NCOR1: variants seen among roughly 807,000 people sequenced by gnomAD.
The protein encoded by NCOR1 is nuclear receptor corepressor 1, also known as protein phosphatase 1, regulatory subunit 109.
A neutral mutation model predicts 288.1 loss-of-function variants in NCOR1; 63 were observed. The observed-to-expected ratio is 0.22, with a 90% CI of 0.18 to 0.27. The LOEUF is 0.27. Ranked by LOEUF, NCOR1 falls within the 10% of genes least tolerant of loss-of-function variation. The pLI, the probability that NCOR1 is intolerant of heterozygous loss-of-function variation, is 1.00. For synonymous variants in NCOR1, 1,007 were observed against 1,065.9 expected (o/e 0.94, Z 1.08); for missense variants, 2,397 against 3,019.2 (o/e 0.79, Z 4.83).
chr17:16,143,742 A>G, intron 10 of NCOR1, 46 bp from the exon 11 acceptor site: 2 of 1,356,028 alleles, frequency 1.5e-6, no homozygotes, highest in African/African-American at 1.5e-5. Context: ...GACCTTATAT[A>G]AAGACATATC....
rs545212695 is a variant in NCOR1, at chr17:16,164,557, C to T, written c.618+422G>A. On this transcript the variant is annotated intron_variant, in intron 5 of 45. Transcript: ENST00000268712. Reference sequence around the variant, plus strand: ...AGCAAAGGCAAAAATGTGCACAAACCGGTACTCACATAAGCTGCCAGTAGG... The same window carrying T: ...AGCAAAGGCAAAAATGTGCACAAACTGGTACTCACATAAGCTGCCAGTAGG... 2.6e-5 allele frequency among the ~76,000 whole-genome samples: 4 copies of T among 151,924 alleles called. No homozygotes were observed. The East Asian group carries it at 5.8e-4, about 22-fold the overall frequency.
chr17:16,173,076 G>C (rs567960580), intron 3 of NCOR1, among the ~76,000 whole-genome samples: 1 of 151,972 alleles, frequency 6.6e-6, no homozygotes, highest in Admixed American at 6.6e-5. Flanking sequence ...GATTACAGGC[G>C]CGAGCCACCA....
In NCOR1 at chr17:16,061,821, G is replaced by A. The variant is rs767183802; in HGVS notation, c.5461C>T (p.Leu1821=). ...ASRYNTAADA[L]AALVDAAASA... The stretch of plus-strand genomic sequence containing the variant: ...GCTGCAGCATCCACAAGAGCAGCCA[G>A]GGCATCCGCAGCAGTGTTGTAACGG... The change falls in exon 37 of 46, where the codon CTG becomes TTG. Residue 1821 remains leucine (L), a synonymous_variant. Transcript: ENST00000268712. 5 of 1,614,234 alleles carry A rather than the reference G, an allele frequency of 3.1e-6. No individual in the cohort carries two copies. The Admixed American group carries it at 8.3e-5, about 27-fold the overall frequency.
intron 5 of NCOR1, among the ~76,000 whole-genome samples, chr17:16,163,572 T>C (rs2081337428): frequency 6.6e-6 from 1 of 152,148 alleles, no homozygotes; most frequent in Non-Finnish European, 1.5e-5. Context: ...GGTAAGAATA[T>C]AAAATGGTAC....
At chr17:16,082,282 C>G (rs867876362) in intron 23 of NCOR1, among the ~76,000 whole-genome samples, 1 of 151,908 alleles carries the variant, frequency 6.6e-6, no homozygotes, top group South Asian at 2.1e-4. Context: ...TTATAAGATA[C>G]GCAAAGAAAC....
chr17:16,199,849 T>C (rs1392140073), intron 1 of NCOR1, among the ~76,000 whole-genome samples: 3 of 152,186 alleles, frequency 2.0e-5, no homozygotes, highest in Non-Finnish European at 2.9e-5. Flanking sequence ...GGGAATAATA[T>C]AGTAATAATT....
At chr17:16,056,415 G>A (rs558591224) in intron 40 of NCOR1, among the ~76,000 whole-genome samples, 101 of 148,042 alleles carry the variant, frequency 6.8e-4, no homozygotes, top group African/African-American at 2.4e-3. Flanking sequence ...AGGTTCAAGC[G>A]ATTCTTCTGC....
At chr17:16,059,045 G>GT (rs1475724290) in intron 37 of NCOR1, among the ~76,000 whole-genome samples, 5 of 84,924 alleles carry the variant, frequency 5.9e-5, no homozygotes, top group African/African-American at 2.7e-4. Context: ...GCGAAACTCC[G>GT]TCTCAAAAAA....
At chr17:16,132,920 T>C (rs934495003) in intron 14 of NCOR1, among the ~76,000 whole-genome samples, 9 of 149,604 alleles carry the variant, frequency 6.0e-5, no homozygotes, top group African/African-American at 1.2e-4. Context: ...CTCCCTTCCT[T>C]CTTCTTCTTC....
intron 23 of NCOR1, among the ~76,000 whole-genome samples, chr17:16,081,427 C>G (rs2063400002): frequency 6.9e-6 from 1 of 144,724 alleles, no homozygotes; most frequent in Non-Finnish European, 1.5e-5. Flanking sequence ...CAGGTAAAAA[C>G]AATGGGCTTT....
chr17:16,080,412 G>C lies in NCOR1; in HGVS notation c.3396C>G (p.Val1132=). 6.2e-7 allele frequency: 1 copy of C among 1,613,070 alleles called. No individual in the cohort carries two copies. The highest frequency in any genetic ancestry group is 8.5e-7 in the Non-Finnish European group (1 of 1,179,238). Residue 1132 remains valine, a synonymous_variant, in exon 25 of 46, where the codon GTC becomes GTG. Transcript: ENST00000268712. ...CTGCCAACCAGCATATTTTACCTCT[G>C]ACTACACCTTCATGTTGGGCCCTGA... The part of the protein sequence containing the change: ...LLVRAQHEGV[V]RGTAGAIQEG...
Position 16,155,976 on chromosome 17 carries a change from A to G in NCOR1, c.733-2581T>C, listed in dbSNP as rs543769121. Among the ~76,000 whole-genome samples, 8 of 152,292 alleles carry G rather than the reference A, an allele frequency of 5.3e-5. No individual in the cohort carries two copies. The East Asian group carries it at 1.5e-3, about 29-fold the overall frequency. ...GTTACAATTCTGAAACTGCACAGGT[A>G]CATGTATAAAACATACATAAGAAAG... On this transcript the variant is annotated intron_variant, in intron 6 of 45. Coordinates refer to ENST00000268712, the MANE Select transcript of NCOR1 (RefSeq NM_006311.4).
At chr17:16,049,478 C>T (rs768039339) in intron 40 of NCOR1, 1 of 152,270 alleles carries the variant, frequency 6.6e-6, no homozygotes, top group Non-Finnish European at 1.5e-5. Context: ...TCTAGTTACA[C>T]TATATTATGG....
At chr17:16,086,807 C>A (rs2064304459) in intron 22 of NCOR1, among the ~76,000 whole-genome samples, 1 of 152,232 alleles carries the variant, frequency 6.6e-6, no homozygotes, top group Non-Finnish European at 1.5e-5. Flanking sequence ...AATGCGCAGA[C>A]ATGACTGACA....
intron 19 of NCOR1, among the ~76,000 whole-genome samples, chr17:16,106,206 T>C (rs1480901691): frequency 6.6e-6 from 1 of 152,188 alleles, no homozygotes; most frequent in Non-Finnish European, 1.5e-5. Flanking sequence ...TTAACCTTCA[T>C]TTCTGTTTAT....
At chr17:16,130,387 G>C (rs1370059036) in intron 14 of NCOR1, among the ~76,000 whole-genome samples, 1 of 152,154 alleles carries the variant, frequency 6.6e-6, no homozygotes, top group Non-Finnish European at 1.5e-5. Flanking sequence ...CAACTCCACA[G>C]GGTGGCTGGA....
intron 6 of NCOR1, among the ~76,000 whole-genome samples, chr17:16,155,370 T>TACACACAC (rs1310916507): frequency 8.8e-6 from 1 of 113,228 alleles, no homozygotes; most frequent in African/African-American, 3.3e-5. Context: ...AAAAAAAAAA[T>TACACACAC]ACACACACAC....
At chr17:16,154,475 A>C (rs1346115871) in intron 6 of NCOR1, among the ~76,000 whole-genome samples, 1 of 152,214 alleles carries the variant, frequency 6.6e-6, no homozygotes. Flanking sequence ...GTCTTCCTAG[A>C]GAAAATGATA....
chr17:16,082,880 G>A (rs1379871713), intron 23 of NCOR1, among the ~76,000 whole-genome samples: 5 of 151,940 alleles, frequency 3.3e-5, no homozygotes, highest in East Asian at 1.9e-4. Context: ...AACTAAGAAC[G>A]GAAGGAAACA....
Sources: allele counts gnomAD v4.1 joint callset (sites outside exome capture counted in the v4.1 genomes callset), GRCh38; gene constraint gnomAD v4.1.1; transcripts MANE v1.5; gene names NCBI Gene and HGNC (gene_info 2026-07-23, HGNC 2026-07-21).